Variants in SLC1A3 observed in about 807,000 individuals in gnomAD.
SLC1A3 encodes solute carrier family 1 member 3.
A neutral mutation model predicts 48.1 loss-of-function variants in SLC1A3; 21 were observed. That is an observed-to-expected ratio of 0.44 (90% CI 0.31 to 0.63). The LOEUF is 0.63. Among genes scored for constraint, SLC1A3 ranks in the 20% least tolerant of loss-of-function variants. The pLI, the probability that SLC1A3 is intolerant of heterozygous loss-of-function variation, is 0.08. For synonymous variants in SLC1A3, 239 were observed against 251.4 expected, an observed-to-expected ratio of 0.95 and a Z score of 0.47; for missense variants, 546 against 689.0, an observed-to-expected ratio of 0.79 and a Z score of 2.32.
chr5:36,678,788 G>A (rs1742314695), intron 6 of SLC1A3, among the ~76,000 whole-genome samples: 1 of 152,162 alleles, frequency 6.6e-6, no homozygotes, highest in Non-Finnish European at 1.5e-5. Flanking sequence ...CAGAAGGAAA[G>A]CTCATAAATG....
At chr5:36,643,447 G>A (rs557346121) in intron 3 of SLC1A3, among the ~76,000 whole-genome samples, 6 of 152,262 alleles carry the variant, frequency 3.9e-5, no homozygotes, top group African/African-American at 1.2e-4. Flanking sequence ...GTGCCTATTA[G>A]TCATTCATAC....
chr5:36,683,930 C>T lies in SLC1A3; in HGVS notation c.1356C>T (p.Val452=), dbSNP rs1742540642. ...GIPQAGLVTM[V]IVLTSVGLPT... is the part of the protein sequence containing the mutation. ...CTCAGGCGGGCCTGGTCACTATGGT[C>T]ATTGTGCTGACATCTGTCGGCCTGC... The change falls in exon 9 of 10, where the codon GTC becomes GTT. Residue 452 remains valine, a synonymous_variant. Transcript: ENST00000265113. The T allele has an allele frequency of 6.2e-7, 1 of 1,614,186 alleles. No homozygotes were observed. The highest frequency in any genetic ancestry group is 8.5e-7 in the Non-Finnish European group (1 of 1,180,010).
intron 3 of SLC1A3, among the ~76,000 whole-genome samples, chr5:36,661,816 C>T (rs1213542462): frequency 1.3e-5 from 2 of 152,320 alleles, no homozygotes; most frequent in Non-Finnish European, 2.9e-5. Flanking sequence ...AAGGTCACCC[C>T]TTGAGTCTGA....
In SLC1A3 at chr5:36,645,060, A is replaced by G. The variant is rs573187862; in HGVS notation, c.319+15473A>G. Among the ~76,000 whole-genome samples the G allele has an allele frequency of 1.1e-4, 16 of 152,320 alleles. 1 individual carries two copies. In the South Asian group the frequency reaches 3.3e-3, roughly 32 times the overall value. On this transcript the variant is annotated intron_variant, in intron 3 of 9. Transcript: ENST00000265113. ...ATATCTCAATTTATGGGGCGGCGTC[A>G]TTGCTGAAAGTTCTGTGTAGGTCTT...
intron 5 of SLC1A3, among the ~76,000 whole-genome samples, chr5:36,676,239 C>T (rs1331938967): frequency 6.6e-6 from 1 of 152,054 alleles, no homozygotes; most frequent in Non-Finnish European, 1.5e-5. Flanking sequence ...TTTGTAATAC[C>T]CACTGAAATC....
At chr5:36,608,112 T>A in intron 1 of SLC1A3, 1 of 291,630 alleles carries the variant, frequency 3.4e-6, no homozygotes, top group Non-Finnish European at 6.5e-6. Flanking sequence ...GACGGATTTT[T>A]AAAAAGAAAA....
At chr5:36,678,868 T>C (rs1278892113) in intron 6 of SLC1A3, among the ~76,000 whole-genome samples, 1 of 152,208 alleles carries the variant, frequency 6.6e-6, no homozygotes, top group East Asian at 1.9e-4. Context: ...AGTACATACA[T>C]GCACATTATT....
At chr5:36,614,350 G>A (rs1739339889) in intron 2 of SLC1A3, among the ~76,000 whole-genome samples, 2 of 152,128 alleles carry the variant, frequency 1.3e-5, no homozygotes, top group African/African-American at 4.8e-5. Flanking sequence ...GGGAGGCTGG[G>A]GGGCAGAAGA....
intron 2 of SLC1A3, among the ~76,000 whole-genome samples, chr5:36,622,943 C>A (rs1187793639): frequency 1.4e-5 from 2 of 142,876 alleles, no homozygotes; most frequent in East Asian, 4.3e-4. Context: ...ACCTGGGAGG[C>A]GGAGCTTGCA....
At chr5:36,603,704 C>T (rs2111633559), upstream of SLC1A3, among the ~76,000 whole-genome samples, 1 of 152,324 alleles carries the variant, frequency 6.6e-6, no homozygotes, top group South Asian at 2.1e-4. Flanking sequence ...GCCTCTAACA[C>T]ATCCACTGTT....
chr5:36,612,661 C>T (rs1011628652), intron 2 of SLC1A3: 1 of 318,644 alleles, frequency 3.1e-6, no homozygotes, highest in African/African-American at 2.2e-5. Context: ...GTATGGAAAG[C>T]ACTATTGTGT....
intron 3 of SLC1A3, among the ~76,000 whole-genome samples, chr5:36,642,768 T>C (rs144636540): frequency 2.6e-4 from 40 of 152,294 alleles, no homozygotes; most frequent in African/African-American, 9.4e-4. Context: ...TCTTTCTCTA[T>C]AGATCTACCT....
chr5:36,681,534 T>C (rs1017008449), intron 8 of SLC1A3, among the ~76,000 whole-genome samples: 3 of 152,088 alleles, frequency 2.0e-5, no homozygotes, highest in African/African-American at 7.2e-5. Context: ...TTGTGGAGAA[T>C]TTTTTTTAAC....
intron 3 of SLC1A3, among the ~76,000 whole-genome samples, chr5:36,670,261 G>A (rs920423787): frequency 6.6e-6 from 1 of 152,176 alleles, no homozygotes; most frequent in South Asian, 2.1e-4. Flanking sequence ...TTCTGAAAAT[G>A]AGGGAAAGAG....
rs1477257561 is a variant in SLC1A3 at position 36,608,390 on chromosome 5, G to A, written c.-34G>A. 6.2e-7 allele frequency: 1 copy of A among 1,608,618 alleles called. No homozygotes were observed. The highest frequency in any genetic ancestry group is 8.5e-7 in the Non-Finnish European group (1 of 1,175,846). Reference sequence around the variant, plus strand: ...CTGTGGGTGATTCCCAGACACTGAAGTGCAAAGAAGAGACCCTCCTAGAAA... The same window carrying A: ...CTGTGGGTGATTCCCAGACACTGAAATGCAAAGAAGAGACCCTCCTAGAAA... On this transcript the variant is annotated 5_prime_UTR_variant, in exon 2 of 10. The change creates a new upstream start codon in the 5' untranslated region. Coordinates refer to ENST00000265113, the MANE Select transcript of SLC1A3 (RefSeq NM_004172.5).
chr5:36,616,453 A>C (rs898848701), intron 2 of SLC1A3, among the ~76,000 whole-genome samples: 3 of 152,174 alleles, frequency 2.0e-5, no homozygotes, highest in Non-Finnish European at 2.9e-5. Context: ...AGGCGCAGCA[A>C]ATTGAAAGGC....
chr5:36,623,966 C>T (rs771027026), intron 2 of SLC1A3, among the ~76,000 whole-genome samples: 2 of 152,038 alleles, frequency 1.3e-5, no homozygotes, highest in East Asian at 1.9e-4. Flanking sequence ...GTGTATCAGG[C>T]TGTGTTTCCA....
At chr5:36,608,236 T>C (rs1739039210) in intron 1 of SLC1A3, 93 bp from the exon 2 acceptor site, 1 of 591,864 alleles carries the variant, frequency 1.7e-6, no homozygotes, top group Non-Finnish European at 3.0e-6. Context: ...CTGCTGAGAT[T>C]ATGCAATTTG....
At chr5:36,682,899 T>C (rs530057276) in intron 8 of SLC1A3, among the ~76,000 whole-genome samples, 120 of 152,368 alleles carry the variant, frequency 7.9e-4, no homozygotes, top group Admixed American at 1.8e-3. Context: ...ATGGGGACCA[T>C]GAATACTTTC....
Sources: allele counts gnomAD v4.1 joint callset (sites outside exome capture counted in the v4.1 genomes callset), GRCh38; gene constraint gnomAD v4.1.1; transcripts MANE v1.5; gene names NCBI Gene and HGNC (gene_info 2026-07-23, HGNC 2026-07-21).